INSC: variants seen among roughly 807,000 people sequenced by gnomAD.
INSC encodes protein inscuteable homolog.
In INSC, 67 loss-of-function variants were observed where a neutral mutation model predicts 58.6. The ratio of observed to expected loss-of-function variants is 1.14; its 90% CI spans 0.94 to 1.40. The LOEUF (loss-of-function observed/expected upper bound fraction) is 1.40. INSC is among the 40% of genes most tolerant of loss of function. The probability of loss-of-function intolerance (pLI) is 0.00; values close to 1 mark genes in which losing one functional copy is unlikely to be tolerated. For synonymous variants in INSC, 262 were observed against 276.1 expected, an observed-to-expected ratio of 0.95 and a Z score of 0.51; for missense variants, 714 against 692.0, an observed-to-expected ratio of 1.03 and a Z score of -0.36.
chr11:15,160,390 A>G (rs1358063167), intron 2 of INSC, among the ~76,000 whole-genome samples: 1 of 152,144 alleles, frequency 6.6e-6, no homozygotes, highest in Non-Finnish European at 1.5e-5. Flanking sequence ...GTTGGAAATA[A>G]GGGGGCAATG....
chr11:15,134,538 G>T (rs1274513509), intron 1 of INSC, among the ~76,000 whole-genome samples: 1 of 152,110 alleles, frequency 6.6e-6, no homozygotes. Flanking sequence ...TGGCTGTATT[G>T]TGCACGAGTT....
chr11:15,114,884 G>T, upstream of INSC: 1 of 916,734 alleles, frequency 1.1e-6, no homozygotes. Context: ...TGGGGCGGGG[G>T]CCAGGGGCGG....
At chr11:15,127,287 A>T (rs1394809032) in intron 1 of INSC, among the ~76,000 whole-genome samples, 1 of 152,220 alleles carries the variant, frequency 6.6e-6, no homozygotes, top group Non-Finnish European at 1.5e-5. Context: ...GCTTAAAGCC[A>T]CTTCTTTAAG....
At chr11:15,151,180 C>T (rs1329997042) in intron 2 of INSC, among the ~76,000 whole-genome samples, 1 of 152,178 alleles carries the variant, frequency 6.6e-6, no homozygotes, top group Non-Finnish European at 1.5e-5. Flanking sequence ...ACTGCCTGAG[C>T]TCCGTCTCCT....
chr11:15,263,917 G>A, the INSC span, among the ~76,000 whole-genome samples: 1 of 151,412 alleles, frequency 6.6e-6, no homozygotes, highest in Admixed American at 6.6e-5. Context: ...TCTAGAGCCA[G>A]CAATAGAACC....
chr11:15,232,005 A>G (rs1851943727), intron 9 of INSC, among the ~76,000 whole-genome samples: 1 of 152,006 alleles, frequency 6.6e-6, no homozygotes, highest in Non-Finnish European at 1.5e-5. Context: ...CCTCCTTCCT[A>G]CCTCACAGGG....
chr11:15,116,824 T>TC (rs1847714147), intron 1 of INSC, among the ~76,000 whole-genome samples: 1 of 36,292 alleles, frequency 2.8e-5, no homozygotes, highest in Non-Finnish European at 5.3e-5. Flanking sequence ...TTTCTTTCTT[T>TC]CTTTCTTTCT....
intron 12 of INSC, among the ~76,000 whole-genome samples, chr11:15,244,742 T>G (rs1852494418): frequency 6.6e-6 from 1 of 152,176 alleles, no homozygotes; most frequent in Non-Finnish European, 1.5e-5. Flanking sequence ...TCTCAGTGTT[T>G]GCATTCCCTC....
chr11:15,190,828 T>A lies in INSC; in HGVS notation c.693+14T>A, dbSNP rs1460749978. The A allele has an allele frequency of 3.2e-6, 5 of 1,574,682 alleles. No individual in the cohort carries two copies. Among genetic ancestry groups the A allele is most frequent in the African/African-American group, 1.3e-5 (1 of 74,104 alleles). Reference sequence around the variant, plus strand: ...ATCATAGCCAAGGTGAGCTTCATGGTTAGGGACCAAAATGGCAGGCCTGGG... The same window carrying A: ...ATCATAGCCAAGGTGAGCTTCATGGATAGGGACCAAAATGGCAGGCCTGGG... On this transcript the variant is annotated intron_variant, in intron 6 of 12. Transcript: ENST00000379556.
At chr11:15,179,599 G>C (rs1000575154) in intron 5 of INSC, among the ~76,000 whole-genome samples, 1 of 152,130 alleles carries the variant, frequency 6.6e-6, no homozygotes, top group Non-Finnish European at 1.5e-5. Flanking sequence ...AGCAGGTCCT[G>C]GGTATTATCA....
At chr11:15,266,268 T>C in the INSC span, among the ~76,000 whole-genome samples, 1 of 151,380 alleles carries the variant, frequency 6.6e-6, no homozygotes, top group Non-Finnish European at 1.5e-5. Flanking sequence ...AAAAAAAAAG[T>C]AACACTTTGC....
chr11:15,256,466 CA>C, the INSC span, among the ~76,000 whole-genome samples: 3 of 150,834 alleles, frequency 2.0e-5, no homozygotes, highest in Admixed American at 6.6e-5. Flanking sequence ...TTTCGTATGG[CA>C]GTTCTTGGAG....
At chr11:15,143,893 A>C (rs1848430816) in intron 1 of INSC, among the ~76,000 whole-genome samples, 2 of 152,190 alleles carry the variant, frequency 1.3e-5, no homozygotes. Context: ...AAAAGCCTAC[A>C]ATGTAGTCCC....
At chr11:15,216,484 CT>C (rs1196056388) in intron 7 of INSC, among the ~76,000 whole-genome samples, 3 of 152,182 alleles carry the variant, frequency 2.0e-5, no homozygotes, top group Non-Finnish European at 4.4e-5. Flanking sequence ...TGCTTCATCT[CT>C]GTGTCACTGC....
At chr11:15,113,034 G>T (rs1023297996), upstream of INSC, among the ~76,000 whole-genome samples, 1 of 152,034 alleles carries the variant, frequency 6.6e-6, no homozygotes. Context: ...AAGAATTGGA[G>T]ACTTCTTTCC....
chr11:15,178,515 G>T, intron 5 of INSC, 68 bp downstream of exon 5: 2 of 1,544,674 alleles, frequency 1.3e-6, no homozygotes, highest in Non-Finnish European at 1.7e-6. Context: ...GAGAAAGAGG[G>T]GCTGAGCCAG....
chr11:15,115,582 T>C (rs1164041064), intron 1 of INSC, among the ~76,000 whole-genome samples: 1 of 152,142 alleles, frequency 6.6e-6, no homozygotes, highest in Middle Eastern at 3.2e-3. Context: ...TGGCTCTGAC[T>C]AACCCCATCT....
intron 5 of INSC, among the ~76,000 whole-genome samples, chr11:15,186,120 T>A (rs1207912229): frequency 6.6e-6 from 1 of 152,216 alleles, no homozygotes; most frequent in Non-Finnish European, 1.5e-5. Flanking sequence ...ATACCTGAAC[T>A]GAGGCCACTC....
the INSC span, among the ~76,000 whole-genome samples, chr11:15,259,683 G>T: frequency 5.3e-5 from 8 of 152,288 alleles, no homozygotes; most frequent in Non-Finnish European, 1.2e-4. Context: ...CCAAGATATT[G>T]TTATGCCCAT....
Sources: allele counts gnomAD v4.1 joint callset (sites outside exome capture counted in the v4.1 genomes callset), GRCh38; gene constraint gnomAD v4.1.1; transcripts MANE v1.5; gene names NCBI Gene and HGNC (gene_info 2026-07-23, HGNC 2026-07-21).